The following TGM5 variants were observed in gnomAD, a reference collection of about 807,000 sequenced individuals.
The protein encoded by TGM5 is transglutaminase 5.
Under a neutral mutation model 77.2 loss-of-function variants are expected in TGM5, and 69 were observed. The ratio of observed to expected loss-of-function variants is 0.89; its 90% confidence interval spans 0.74 to 1.09. The LOEUF (loss-of-function observed/expected upper bound fraction) is 1.09, where lower values mean the gene tolerates loss of function less well. Among genes scored for constraint, TGM5 ranks in the 50% least tolerant of loss-of-function variants. The pLI, the probability that TGM5 is intolerant of heterozygous loss-of-function variation, is 0.00. For synonymous variants in TGM5, 346 were observed against 351.8 expected (o/e 0.98, Z 0.18); for missense variants, 842 against 896.5 (o/e 0.94, Z 0.78).
chr15:43,244,904 CA>C (rs1215413710), intron 6 of TGM5, among the ~76,000 whole-genome samples: 1 of 151,708 alleles, frequency 6.6e-6, no homozygotes, highest in African/African-American at 2.4e-5. Flanking sequence ...TTCACCTCTA[CA>C]AAAAAATAAA....
In TGM5 at chr15:43,235,641, G is replaced by A. The variant is rs370277440; in HGVS notation, c.1542C>T (p.Leu514=). The change falls in exon 10 of 13, where the codon CTC becomes CTT. Residue 514 remains leucine, a synonymous_variant. Transcript: ENST00000220420. The stretch of plus-strand genomic sequence containing the variant: ...TATCCTGGCCCATGTTGGGCGGGTC[G>A]AGCAGCTTGAATTTCAGGGAGACTT... ...VVQVSLKFKL[L]DPPNMGQDIC... The A allele has an allele frequency of 1.9e-5, 31 of 1,614,132 alleles. No homozygotes were observed. The highest frequency in any genetic ancestry group is 1.7e-4 in the Middle Eastern group (1 of 6,060).
At chr15:43,252,443 G>A (rs1337489297) in intron 6 of TGM5, among the ~76,000 whole-genome samples, 3 of 151,980 alleles carry the variant, frequency 2.0e-5, no homozygotes, top group Admixed American at 6.6e-5. Flanking sequence ...TCAGCCTCCC[G>A]AGTAGCTGGG....
intron 10 of TGM5, 74 bp from the exon 11 acceptor site, chr15:43,235,003 T>C: frequency 6.4e-7 from 1 of 1,550,878 alleles, no homozygotes; most frequent in Non-Finnish European, 8.8e-7. Flanking sequence ...CCTGGGTCTC[T>C]CTTCCACAGA....
Position 43,252,845 on chromosome 15 carries a change from A to G in TGM5, c.776T>C (p.Val259Ala), listed in dbSNP as rs1015529937. ...GGCGTTCCACTGCTTCAGGATGGCCACGCTGCCCGTCCACTCCGCAGGGTT... is the reference window on the plus strand; with the variant it reads ...GGCGTTCCACTGCTTCAGGATGGCCGCGCTGCCCGTCCACTCCGCAGGGTT... Reference protein sequence around the residue: ...GANPAEWTGSVAILKQWNATG... With the variant: ...GANPAEWTGSAAILKQWNATG... Residue 259 changes from valine (V) to alanine (A), a missense_variant, in exon 6 of 13, where the codon GTG becomes GCG. Transcript: ENST00000220420. The G allele has an allele frequency of 1.1e-5, 17 of 1,614,042 alleles. No homozygotes were observed. Among genetic ancestry groups the G allele is most frequent in the Non-Finnish European group, 1.4e-5 (16 of 1,180,026 alleles).
chr15:43,254,079 A>G (rs1346632329), intron 4 of TGM5, among the ~76,000 whole-genome samples: 1 of 152,176 alleles, frequency 6.6e-6, no homozygotes, highest in East Asian at 1.9e-4. Context: ...CTGCCATGGC[A>G]CCTGTGATTC....
chr15:43,255,622 C>A (rs1028009867), intron 4 of TGM5, among the ~76,000 whole-genome samples: 2 of 152,064 alleles, frequency 1.3e-5, no homozygotes. Context: ...GAGAGGAATT[C>A]ATATCAAGCT....
intron 6 of TGM5, among the ~76,000 whole-genome samples, chr15:43,241,700 A>G (rs967927059): frequency 6.6e-6 from 1 of 152,022 alleles, no homozygotes; most frequent in African/African-American, 2.4e-5. Context: ...AGTCAAAAAA[A>G]TCGCACTCCA....
At position 43,235,491 on chromosome 15, in the gene TGM5, G is replaced by T. The variant is rs764715795; in HGVS notation, c.1692C>A (p.Phe564Leu). The T allele has an allele frequency of 2.7e-5, 43 of 1,614,022 alleles. No homozygotes were observed. The Middle Eastern group carries it at 1.5e-3, about 56-fold the overall frequency. Reference protein sequence around the residue: ...PLSPFWQDTAFITLSPKEAKT... With the variant: ...PLSPFWQDTALITLSPKEAKT... The stretch of plus-strand genomic sequence containing the variant: ...TACCTTCTTTAGGAGAGAGTGTGAT[G>T]AACGCTGTGTCCTGCCAGAATGGGG... The change falls in exon 10 of 13, where the codon TTC (phenylalanine) becomes TTA (leucine). Residue 564 changes from phenylalanine (F) to leucine (L), a missense_variant. Phe to Leu is a conservative substitution (Grantham distance 22). Around this residue, in one of 2 missense-constraint regions of TGM5, gnomAD observed 815 missense variants for 844.6 expected, o/e 0.96. Transcript: ENST00000220420.
intron 11 of TGM5, among the ~76,000 whole-genome samples, chr15:43,234,519 G>A (rs1433029889): frequency 6.6e-6 from 1 of 152,228 alleles, no homozygotes; most frequent in Non-Finnish European, 1.5e-5. Context: ...AACAGCAGGA[G>A]GGGCACAAGA....
intron 6 of TGM5, 131 bp downstream of exon 6, chr15:43,252,628 A>T: frequency 8.2e-7 from 1 of 1,214,056 alleles, no homozygotes; most frequent in Non-Finnish European, 1.2e-6. Flanking sequence ...GACATTTCAG[A>T]GAGGAAAAGG....
intron 3 of TGM5, 110 bp from the exon 4 acceptor site, chr15:43,256,796 C>A: frequency 1.2e-6 from 1 of 834,246 alleles, no homozygotes; most frequent in South Asian, 1.3e-5. Flanking sequence ...GGGCCCCTGG[C>A]GACACCAAGA....
rs1480054811 is a variant in TGM5, at chr15:43,252,917, T to C, written c.704A>G (p.Asn235Ser). 6.2e-7 allele frequency: 1 copy of C among 1,613,418 alleles called. No individual in the cohort carries two copies. Among genetic ancestry groups the C allele is most frequent in the East Asian group, 2.2e-5 (1 of 44,900 alleles). Residue 235 changes from asparagine to serine, a missense_variant, in exon 6 of 13, where the codon AAT becomes AGT. Physicochemically the swap from Asn to Ser is conservative, Grantham distance 46. Around this residue, in one of 2 missense-constraint regions of TGM5, gnomAD observed 815 missense variants for 844.6 expected, o/e 0.96. Coordinates refer to ENST00000220420, the MANE Select transcript of TGM5 (RefSeq NM_201631.4). ...ACTCCAGTTTCCATTGAGCACCCCA[T>C]TATCATCATTGCTGTTGATCTGAAG... is the stretch of plus-strand genomic sequence containing the variant. Reference protein sequence around the residue: ...VCAMINSNDDNGVLNGNWSEN... With the variant: ...VCAMINSNDDSGVLNGNWSEN...
At position 43,233,232 on chromosome 15, in the gene TGM5, T is replaced by C. The variant is rs1414063353; in HGVS notation, c.2122A>G (p.Ile708Val). 1 of 1,614,232 alleles carries C rather than the reference T, an allele frequency of 6.2e-7. No homozygotes were observed. The change falls in exon 13 of 13, where the codon ATT (isoleucine) becomes GTT (valine). Residue 708 changes from isoleucine to valine, a missense_variant. This residue lies in a region of TGM5 where 27 missense variants were observed against 51.8 expected (regional missense o/e 0.52). Coordinates refer to ENST00000220420, the MANE Select transcript of TGM5 (RefSeq NM_201631.4). ...ANMRSNKFKD[I>V]KGYRNVYVDF... ...ACATAAACATTCCTGTAACCCTTAA[T>C]GTCCTTAAACTTGTTGCTTCTCATA...
At chr15:43,252,243 A>T (rs1479735217) in intron 6 of TGM5, among the ~76,000 whole-genome samples, 1 of 152,224 alleles carries the variant, frequency 6.6e-6, no homozygotes, top group Admixed American at 6.5e-5. Context: ...GGGACGTGTG[A>T]CTGTCACTTC....
chr15:43,264,908 C>A (rs1477854583), intron 1 of TGM5, among the ~76,000 whole-genome samples: 1 of 152,156 alleles, frequency 6.6e-6, no homozygotes, highest in Non-Finnish European at 1.5e-5. Context: ...GTTTCATAAA[C>A]TAGTTTTTTA....
chr15:43,263,767 G>C (rs1321485078), intron 1 of TGM5, among the ~76,000 whole-genome samples: 2 of 152,204 alleles, frequency 1.3e-5, no homozygotes, highest in Non-Finnish European at 2.9e-5. Context: ...CAGCTTCTCA[G>C]ATATGACAGC....
intron 1 of TGM5, among the ~76,000 whole-genome samples, chr15:43,264,984 T>A (rs2062051294): frequency 1.3e-5 from 2 of 152,230 alleles, no homozygotes; most frequent in South Asian, 4.1e-4. Flanking sequence ...CTAGGTTGAA[T>A]AGAATTCTCT....
At chr15:43,234,654 A>C (rs2042573784) in intron 11 of TGM5, 115 bp downstream of exon 11, 3 of 1,340,568 alleles carry the variant, frequency 2.2e-6, no homozygotes, top group Non-Finnish European at 3.2e-6. Flanking sequence ...CAGAAGAGGC[A>C]AAGGAAGGAG....
chr15:43,266,081 A>T (rs981006950), intron 1 of TGM5, among the ~76,000 whole-genome samples: 5 of 152,224 alleles, frequency 3.3e-5, no homozygotes, highest in Non-Finnish European at 7.3e-5. Flanking sequence ...TGAGGCTGCC[A>T]TTGGGGATGG....
Sources: gnomAD v4.1 joint callset for allele counts (sites outside exome capture counted in the v4.1 genomes callset) on GRCh38, gnomAD v4.1.1 for gene constraint, gnomAD v4.1.1 regional missense constraint, MANE v1.5 for transcripts, NCBI Gene and HGNC (gene_info 2026-07-23, HGNC 2026-07-21) for gene names.